Variants in PCDH17 observed in about 807,000 individuals in gnomAD.
PCDH17 encodes the protein protocadherin-17.
PCDH17 carries 21 observed loss-of-function variants against 67.7 expected under a neutral mutation model. The observed-to-expected ratio is 0.31, with a 90% CI of 0.22 to 0.45. The LOEUF is 0.45. Among genes scored for constraint, PCDH17 ranks in the 20% least tolerant of loss-of-function variants. The pLI, the probability that PCDH17 is intolerant of heterozygous loss-of-function variation, is 1.00. For synonymous variants in PCDH17, 701 were observed against 656.7 expected, an observed-to-expected ratio of 1.07 and a Z score of -1.03; for missense variants, 1,471 against 1,564.8, an observed-to-expected ratio of 0.94 and a Z score of 1.01.
intron 3 of PCDH17, among the ~76,000 whole-genome samples, chr13:57,688,000 C>T (rs144790914): frequency 2.0e-5 from 3 of 152,068 alleles, no homozygotes; most frequent in African/African-American, 7.2e-5. Flanking sequence ...CAATTTGTAA[C>T]ACTTATAGGG....
At chr13:57,714,411 G>T (rs950491251) in intron 3 of PCDH17, among the ~76,000 whole-genome samples, 1 of 151,628 alleles carries the variant, frequency 6.6e-6, no homozygotes, top group Admixed American at 6.6e-5. Context: ...CTTCCTTACA[G>T]GATTACCACT....
intron 3 of PCDH17, among the ~76,000 whole-genome samples, chr13:57,712,980 T>C (rs936425658): frequency 6.6e-6 from 1 of 151,646 alleles, no homozygotes; most frequent in South Asian, 2.1e-4. Flanking sequence ...TTAGACACTT[T>C]TTTATCTCCA....
intron 3 of PCDH17, among the ~76,000 whole-genome samples, chr13:57,703,061 A>T (rs1211995447): frequency 6.6e-6 from 1 of 152,154 alleles, no homozygotes. Flanking sequence ...AAAATTTCAC[A>T]AATGATGGAG....
Position 57,632,635 on chromosome 13 carries a change from G to C in PCDH17, c.89G>C (p.Gly30Ala), listed in dbSNP as rs767421658. 6.2e-7 allele frequency: 1 copy of C among 1,613,288 alleles called. No individual in the cohort carries two copies. The highest frequency in any genetic ancestry group is 1.3e-5 in the African/African-American group (1 of 74,928). ...NLNYSVPEEQ[G>A]AGTVIGNIGR... ...AACTACTCCGTGCCGGAGGAGCAAGGGGCCGGCACGGTGATCGGGAACATC... is the reference window on the plus strand; with the variant it reads ...AACTACTCCGTGCCGGAGGAGCAAGCGGCCGGCACGGTGATCGGGAACATC... Residue 30 changes from glycine to alanine, a missense_variant, in exon 1 of 4, where the codon GGG becomes GCG. This residue lies in a region of PCDH17 where 1,163 missense variants were observed against 1,230.0 expected (regional missense o/e 0.95). Coordinates refer to ENST00000377918, the MANE Select transcript of PCDH17 (RefSeq NM_001040429.3).
chr13:57,717,898 G>T (rs1955835502), intron 3 of PCDH17, among the ~76,000 whole-genome samples: 1 of 151,832 alleles, frequency 6.6e-6, no homozygotes, highest in African/African-American at 2.4e-5. Context: ...TTATGGGGCT[G>T]ATTTTTTAAA....
intron 3 of PCDH17, among the ~76,000 whole-genome samples, chr13:57,679,272 A>T (rs2138044882): frequency 6.6e-6 from 1 of 151,554 alleles, no homozygotes; most frequent in African/African-American, 2.4e-5. Context: ...TAATGAAAAA[A>T]ATTATCGACT....
At chr13:57,722,768 G>A (rs532437592) in intron 3 of PCDH17, among the ~76,000 whole-genome samples, 1 of 152,028 alleles carries the variant, frequency 6.6e-6, no homozygotes, top group East Asian at 1.9e-4. Context: ...ACCTCACCTG[G>A]CTAATTTAAA....
chr13:57,718,054 TC>T (rs1955837535), intron 3 of PCDH17, among the ~76,000 whole-genome samples: 1 of 151,962 alleles, frequency 6.6e-6, no homozygotes, highest in Non-Finnish European at 1.5e-5. Context: ...AGCAAGACAT[TC>T]CATATCTGTG....
At chr13:57,716,522 C>A (rs1195387860) in intron 3 of PCDH17, among the ~76,000 whole-genome samples, 1 of 151,844 alleles carries the variant, frequency 6.6e-6, no homozygotes, top group Non-Finnish European at 1.5e-5. Context: ...TCTGTTGAAA[C>A]CCTGATCAGC....
chr13:57,634,372 C>T lies in PCDH17; in HGVS notation c.1826C>T (p.Thr609Ile). The T allele has an allele frequency of 6.8e-6, 11 of 1,612,588 alleles. No individual in the cohort carries two copies. The highest frequency in any genetic ancestry group is 9.3e-6 in the Non-Finnish European group (11 of 1,179,912). The change falls in exon 1 of 4, where the codon ACT becomes ATT. Residue 609 changes from threonine to isoleucine, a missense_variant. Coordinates refer to ENST00000377918, the MANE Select transcript of PCDH17 (RefSeq NM_001040429.3). The surrounding 1 kb of genome is among the most constrained non-coding windows in gnomAD (Gnocchi z 7.8). ...GCTGGCCTGGGCTATCTGGTGAGCACTGTGCGCGCCCTAGACAGCGACTTC... is the reference window on the plus strand; with the variant it reads ...GCTGGCCTGGGCTATCTGGTGAGCATTGTGCGCGCCCTAGACAGCGACTTC... The part of the protein sequence containing the change: ...RNAGLGYLVS[T>I]VRALDSDFGE...
In PCDH17 at chr13:57,634,427, C is replaced by A. The variant is rs765167207; in HGVS notation, c.1881C>A (p.Ile627=). 2.5e-6 allele frequency: 4 copies of A among 1,612,752 alleles called. No individual in the cohort carries two copies. The highest frequency in any genetic ancestry group is 3.4e-6 in the Non-Finnish European group (4 of 1,179,970). Residue 627 remains isoleucine, a synonymous_variant, in exon 1 of 4, where the codon ATC becomes ATA. Coordinates refer to ENST00000377918, the MANE Select transcript of PCDH17 (RefSeq NM_001040429.3). This position sits in a 1 kb window ranked among gnomAD's most constrained non-coding sequence, Gnocchi z 7.8. ...AGAGCGGGCGTCTCACCTACGAGAT[C>A]GTGGACGGCAACGACGACCACCTGT... is the stretch of plus-strand genomic sequence containing the variant. ...FGESGRLTYE[I]VDGNDDHLFE...
chr13:57,721,889 G>A (rs1385700117), intron 3 of PCDH17, among the ~76,000 whole-genome samples: 2 of 151,810 alleles, frequency 1.3e-5, no homozygotes, highest in African/African-American at 4.8e-5. Flanking sequence ...ATCCATTTAT[G>A]TTTTTTCAAA....
At chr13:57,638,107 G>A (rs999146337) in intron 1 of PCDH17, among the ~76,000 whole-genome samples, 1 of 152,040 alleles carries the variant, frequency 6.6e-6, no homozygotes, top group South Asian at 2.1e-4. Flanking sequence ...AAATATTTAA[G>A]TCTTTTTAAA....
intron 3 of PCDH17, among the ~76,000 whole-genome samples, chr13:57,678,006 T>C (rs1481943020): frequency 6.6e-6 from 1 of 151,666 alleles, no homozygotes; most frequent in Non-Finnish European, 1.5e-5. Flanking sequence ...GTGACTATGG[T>C]TAAAGATGAT....
intron 3 of PCDH17, among the ~76,000 whole-genome samples, chr13:57,696,910 C>G (rs1955614752): frequency 6.6e-6 from 1 of 151,614 alleles, no homozygotes; most frequent in Non-Finnish European, 1.5e-5. Flanking sequence ...TTAAATTCCT[C>G]CCACATCCAC....
At chr13:57,666,599 C>T in intron 2 of PCDH17, 62 bp from the exon 3 acceptor site, 1 of 1,604,302 alleles carries the variant, frequency 6.2e-7, no homozygotes, top group Non-Finnish European at 8.5e-7. Flanking sequence ...CAAGAGACTA[C>T]ACTTCAGATT....
intron 1 of PCDH17, among the ~76,000 whole-genome samples, chr13:57,644,091 T>A (rs1954936645): frequency 6.6e-6 from 1 of 151,650 alleles, no homozygotes; most frequent in Non-Finnish European, 1.5e-5. Context: ...CTTGAAAAAA[T>A]ATTCATAACC....
At chr13:57,722,579 C>A (rs557140868) in intron 3 of PCDH17, among the ~76,000 whole-genome samples, 1 of 151,938 alleles carries the variant, frequency 6.6e-6, no homozygotes, top group South Asian at 2.1e-4. Context: ...TGACTGATAC[C>A]TGATATTGAA....
In PCDH17 at chr13:57,633,257, C is replaced by T. The variant is rs746552268; in HGVS notation, c.711C>T (p.Asn237=). ...TCAACGTGAAGGTGATTGACTCCAA[C>T]GACAACAGCCCGGTCTTCGAGGCGC... ...VQINVKVIDS[N]DNSPVFEAPS... is the part of the protein sequence containing the mutation. Residue 237 remains asparagine (N), a synonymous_variant, in exon 1 of 4, where the codon AAC becomes AAT. Coordinates refer to ENST00000377918, the MANE Select transcript of PCDH17 (RefSeq NM_001040429.3). This position sits in a 1 kb window ranked among gnomAD's most constrained non-coding sequence, Gnocchi z 6.2. The T allele has an allele frequency of 2.0e-5, 32 of 1,613,210 alleles. No homozygotes were observed. The African/African-American group carries it at 2.9e-4, about 15-fold the overall frequency.
Sources: allele counts gnomAD v4.1 joint callset (sites outside exome capture counted in the v4.1 genomes callset), GRCh38; gene constraint gnomAD v4.1.1; regional missense constraint gnomAD v4.1.1; non-coding constraint Gnocchi (gnomAD v3.1); transcripts MANE v1.5; gene names NCBI Gene and HGNC (gene_info 2026-07-23, HGNC 2026-07-21).